The following ARHGAP39 variants were observed in gnomAD, a reference collection of about 807,000 sequenced individuals.
ARHGAP39 encodes the protein rho GTPase-activating protein 39.
A neutral mutation model predicts 106.9 loss-of-function variants in ARHGAP39; 44 were observed. That is an observed-to-expected ratio of 0.41 (90% CI 0.32 to 0.53). The LOEUF (loss-of-function observed/expected upper bound fraction) is 0.53. ARHGAP39 is among the 20% of genes least tolerant of loss of function. ARHGAP39 has a pLI of 0.21. For missense variants in ARHGAP39, 1,496 were observed against 1,577.3 expected (o/e 0.95, Z 0.87); for synonymous variants, 768 against 693.2 (o/e 1.11, Z -1.69).
intron 1 of ARHGAP39, among the ~76,000 whole-genome samples, chr8:144,681,318 G>C (rs1361965395): frequency 1.3e-5 from 2 of 152,244 alleles, no homozygotes; most frequent in South Asian, 2.1e-4. Flanking sequence ...GGGTAGTCCA[G>C]CTCTGCGAGG....
intron 2 of ARHGAP39, among the ~76,000 whole-genome samples, chr8:144,600,964 G>A (rs905972921): frequency 6.7e-6 from 1 of 149,516 alleles, no homozygotes; most frequent in Non-Finnish European, 1.5e-5. Flanking sequence ...GTATACCTGT[G>A]TGCATGTGCG....
intron 1 of ARHGAP39, among the ~76,000 whole-genome samples, chr8:144,635,882 G>A (rs1476639216): frequency 5.2e-5 from 2 of 38,760 alleles, no homozygotes; most frequent in Non-Finnish European, 5.3e-5. Context: ...AGACAGTGTG[G>A]GGACTGAATT....
chr8:144,560,099 A>C (rs1018002547), intron 3 of ARHGAP39, among the ~76,000 whole-genome samples: 1 of 152,242 alleles, frequency 6.6e-6, no homozygotes, highest in African/African-American at 2.4e-5. Context: ...TCTCAAATAA[A>C]AAGGTCATTT....
At position 144,612,803 on chromosome 8, in the gene ARHGAP39, C is replaced by T. The variant is rs576732381; in HGVS notation, c.-81-7108G>A. On this transcript the variant is annotated intron_variant, in intron 1 of 11. Coordinates refer to ENST00000377307, the MANE Select transcript of ARHGAP39 (RefSeq NM_025251.3). ...CAGGGGGATAGAGTGAAGTGAGCCA[C>T]GGCTGCACCACTGCACTCCAGCCGG... Among the ~76,000 whole-genome samples, 40 of 152,284 alleles carry T rather than the reference C, an allele frequency of 2.6e-4. No homozygotes were observed. The South Asian group carries it at 6.0e-3, about 23-fold the overall frequency.
In ARHGAP39 at chr8:144,547,664, G is replaced by C. The variant is rs1187180430; in HGVS notation, c.1422C>G (p.Ser474=). The C allele has an allele frequency of 1.1e-5, 17 of 1,561,330 alleles. No individual in the cohort carries two copies. The highest frequency in any genetic ancestry group is 1.3e-5 in the Non-Finnish European group (15 of 1,157,784). ...ACAGGGTGTCCTGCTGGCTGGACCA[G>C]GACATGGCATCCTCCTGGGCCTGTG... ...PLPQAQEDAM[S]WSSQQDTLSS... The change falls in exon 5 of 12, where the codon TCC becomes TCG. Residue 474 remains serine (S), a synonymous_variant. Coordinates refer to ENST00000377307, the MANE Select transcript of ARHGAP39 (RefSeq NM_025251.3). This position sits in a 1 kb window ranked among gnomAD's most constrained non-coding sequence, Gnocchi z 5.2.
upstream of ARHGAP39, among the ~76,000 whole-genome samples, chr8:144,690,078 C>CT (rs1191057578): frequency 6.6e-6 from 1 of 151,414 alleles, no homozygotes; most frequent in African/African-American, 2.4e-5. Context: ...CCACCGAACT[C>CT]TTTTTCACAG....
At chr8:144,613,949 G>A (rs909959832) in intron 1 of ARHGAP39, among the ~76,000 whole-genome samples, 4 of 152,128 alleles carry the variant, frequency 2.6e-5, no homozygotes, top group African/African-American at 7.2e-5. Flanking sequence ...TTGTTTTAAA[G>A]TATTTCTTTT....
At chr8:144,562,284 GT>G (rs1402105701) in intron 3 of ARHGAP39, among the ~76,000 whole-genome samples, 101 of 144,688 alleles carry the variant, frequency 7.0e-4, no homozygotes, top group African/African-American at 2.3e-3. Context: ...GGTTTCCATC[GT>G]GCTCCAGTGG....
chr8:144,530,291 A>AGGGGCCT lies in ARHGAP39; in HGVS notation c.*124_*130dup. ...AGAAGACGTGGGGAGCGCCGGGGCC[A>AGGGGCCT]GGGGCCTGGGGGAGTGGAGGGGGCT... On this transcript the variant is annotated 3_prime_UTR_variant, in exon 12 of 12. Coordinates refer to ENST00000377307, the MANE Select transcript of ARHGAP39 (RefSeq NM_025251.3). 1 of 1,006,178 alleles carries AGGGGCCT rather than the reference A, an allele frequency of 9.9e-7. No homozygotes were observed. Among genetic ancestry groups the AGGGGCCT allele is most frequent in the Non-Finnish European group, 1.4e-6 (1 of 701,742 alleles). The allele number at this position is 1,006,178 out of a possible 1,614,324, so 62.3% of individuals were successfully genotyped here.
At chr8:144,581,316 G>C in intron 2 of ARHGAP39, 39 bp from the exon 3 acceptor site, 1 of 1,506,180 alleles carries the variant, frequency 6.6e-7, no homozygotes, top group Non-Finnish European at 8.9e-7. Context: ...GAGCCACGGC[G>C]GCCTGGGCCC....
rs941941932 is a variant in ARHGAP39, at chr8:144,646,869, G to A, written c.-82+38817C>T. On this transcript the variant is annotated intron_variant, in intron 1 of 11. Transcript: ENST00000377307. This position sits in a 1 kb window ranked among gnomAD's most constrained non-coding sequence, Gnocchi z 5.7. ...CAGACGAGGGTCCGGGACCAGACAC[G>A]CCCAGAGGGCCCCAGTGCCCTGTGG... is the stretch of plus-strand genomic sequence containing the variant. 6.6e-6 allele frequency among the ~76,000 whole-genome samples: 1 copy of A among 152,000 alleles called. No individual in the cohort carries two copies. Among genetic ancestry groups the A allele is most frequent in the Non-Finnish European group, 1.5e-5 (1 of 68,024 alleles).
intron 3 of ARHGAP39, among the ~76,000 whole-genome samples, chr8:144,567,959 C>CAGCT (rs1818461027): frequency 6.6e-6 from 1 of 152,150 alleles, no homozygotes; most frequent in Admixed American, 6.6e-5. Context: ...CCCCTGGGCC[C>CAGCT]AGCTGTCTTT....
In ARHGAP39 at chr8:144,591,901, G is replaced by A. The variant is rs1215486128; in HGVS notation, c.81-10624C>T. 2.0e-5 allele frequency among the ~76,000 whole-genome samples: 3 copies of A among 151,958 alleles called. No individual in the cohort carries two copies. The highest frequency in any genetic ancestry group is 4.4e-5 in the Non-Finnish European group (3 of 67,986). On this transcript the variant is annotated intron_variant, in intron 2 of 11. Coordinates refer to ENST00000377307, the MANE Select transcript of ARHGAP39 (RefSeq NM_025251.3). This position sits in a 1 kb window ranked among gnomAD's most constrained non-coding sequence, Gnocchi z 5.3. ...CGTGCCTGCGGGGAGTGCTGCCTGT[G>A]GGGAGTGGTGCCTGTGGGGAGTGGT...
At chr8:144,664,082 G>A (rs142973083) in intron 1 of ARHGAP39, among the ~76,000 whole-genome samples, 36 of 152,228 alleles carry the variant, frequency 2.4e-4, no homozygotes, top group African/African-American at 8.7e-4. Flanking sequence ...TGGGAGAATT[G>A]CTTGAACCCA....
chr8:144,641,268 C>T lies in ARHGAP39; in HGVS notation c.-81-35573G>A, dbSNP rs1024631425. On this transcript the variant is annotated intron_variant, in intron 1 of 11. Coordinates refer to ENST00000377307, the MANE Select transcript of ARHGAP39 (RefSeq NM_025251.3). The surrounding 1 kb of genome is among the most constrained non-coding windows in gnomAD (Gnocchi z 5.2). ...CTCTGGCCCTCAAGGCACCAGAGGA[C>T]GGGAAAGGAGAGGCAGACGCTATTA... 3.3e-5 allele frequency among the ~76,000 whole-genome samples: 5 copies of T among 151,906 alleles called. No individual in the cohort carries two copies. Among genetic ancestry groups the T allele is most frequent in the South Asian group, 2.1e-4 (1 of 4,796 alleles).
At chr8:144,602,593 GGT>G (rs1236602595) in intron 2 of ARHGAP39, among the ~76,000 whole-genome samples, 4 of 133,876 alleles carry the variant, frequency 3.0e-5, no homozygotes, top group Non-Finnish European at 6.3e-5. Flanking sequence ...TGTGTGTGGA[GGT>G]GTGTGTGCGA....
intron 3 of ARHGAP39, among the ~76,000 whole-genome samples, chr8:144,564,624 T>C (rs529599554): frequency 3.3e-5 from 5 of 152,128 alleles, no homozygotes; most frequent in South Asian, 2.1e-4. Flanking sequence ...AGTAGAGACG[T>C]AGAATATACA....
In ARHGAP39 at chr8:144,685,709, C is replaced by A. The variant is rs1431730393; in HGVS notation, c.-105G>T. Among the ~76,000 whole-genome samples the A allele has an allele frequency of 1.4e-5, 2 of 147,854 alleles. No homozygotes were observed. The highest frequency in any genetic ancestry group is 4.9e-5 in the African/African-American group (2 of 41,000). On this transcript the variant is annotated 5_prime_UTR_variant, in exon 1 of 12. Coordinates refer to ENST00000377307, the MANE Select transcript of ARHGAP39 (RefSeq NM_025251.3). ...ACCGGCCGGCTGCGCGCGGGCCGCG[C>A]CGCCACAGTCCCTCATCCCGGCCCG...
At chr8:144,620,132 A>G (rs1233655184) in intron 1 of ARHGAP39, among the ~76,000 whole-genome samples, 2 of 108,530 alleles carry the variant, frequency 1.8e-5, no homozygotes, top group South Asian at 3.0e-4. Context: ...TGTGCGTGTG[A>G]GCCTGTGTGT....
Sources: allele counts gnomAD v4.1 joint callset (sites outside exome capture counted in the v4.1 genomes callset), GRCh38; gene constraint gnomAD v4.1.1; non-coding constraint Gnocchi (gnomAD v3.1); transcripts MANE v1.5; gene names NCBI Gene and HGNC (gene_info 2026-07-23, HGNC 2026-07-21).